NDRG3: variants seen among roughly 807,000 people sequenced by gnomAD.
NDRG3 encodes protein NDRG3.
A neutral mutation model predicts 57.2 loss-of-function variants in NDRG3; 23 were observed. That is an observed-to-expected ratio of 0.40 (90% confidence interval 0.29 to 0.57). The LOEUF is 0.57. Among genes scored for constraint, NDRG3 ranks in the 20% least tolerant of loss-of-function variants. The probability of loss-of-function intolerance (pLI) is 0.42; values close to 1 mark genes in which losing one functional copy is unlikely to be tolerated. For synonymous variants in NDRG3, 132 were observed against 162.6 expected (o/e 0.81, Z 1.43); for missense variants, 384 against 457.3 (o/e 0.84, Z 1.46).
rs905784114 is a variant in NDRG3 at position 36,653,317 on chromosome 20, G to A, written c.*203C>T. The stretch of plus-strand genomic sequence containing the variant: ...CAGCTAAAGATGTTGGAATGTTACA[G>A]TATGGCATGGAAGTGGTTCTTGGGC... On this transcript the variant is annotated 3_prime_UTR_variant, in exon 16 of 16. Transcript: ENST00000349004. This position sits in a 1 kb window ranked among gnomAD's most constrained non-coding sequence, Gnocchi z 4.2. 1.9e-6 allele frequency: 1 copy of A among 536,154 alleles called. No homozygotes were observed. The highest frequency in any genetic ancestry group is 3.3e-6 in the Non-Finnish European group (1 of 302,230). 33.2% of individuals were successfully genotyped at this position (536,154 alleles called of 1,614,324 possible). A position where few individuals can be genotyped will look rare whatever the true frequency, so the allele number is the denominator to read the frequency against.
intron 3 of NDRG3, among the ~76,000 whole-genome samples, chr20:36,699,347 G>A (rs1983053863): frequency 2.6e-5 from 4 of 152,072 alleles, no homozygotes; most frequent in Admixed American, 2.6e-4. Flanking sequence ...ACTAAAGGAG[G>A]TTTCAATATC....
At chr20:36,733,021 C>T (rs1336264236) in intron 1 of NDRG3, among the ~76,000 whole-genome samples, 1 of 150,552 alleles carries the variant, frequency 6.6e-6, no homozygotes, top group African/African-American at 2.4e-5. Flanking sequence ...ATGACGTGTG[C>T]CTGTAGTCCC....
chr20:36,715,829 A>G (rs1984241188), intron 2 of NDRG3, among the ~76,000 whole-genome samples: 1 of 150,480 alleles, frequency 6.6e-6, no homozygotes, highest in South Asian at 2.1e-4. Flanking sequence ...CCTGTCTCAA[A>G]TAAAAAAAAG....
chr20:36,691,533 G>A (rs918914579), intron 3 of NDRG3, among the ~76,000 whole-genome samples: 6 of 152,172 alleles, frequency 3.9e-5, no homozygotes. Flanking sequence ...GTCTAGCACA[G>A]TGAAACTCTG....
intron 9 of NDRG3, 36 bp from the exon 10 acceptor site, chr20:36,666,428 G>T: frequency 1.4e-6 from 2 of 1,464,044 alleles, no homozygotes; most frequent in South Asian, 1.1e-5. Context: ...GTAAGCTTCT[G>T]AGCTCCAGAA....
intron 13 of NDRG3, among the ~76,000 whole-genome samples, chr20:36,656,843 TC>T (rs1407815991): frequency 3.3e-5 from 5 of 152,172 alleles, no homozygotes; most frequent in Non-Finnish European, 5.9e-5. Flanking sequence ...AAGGTTCCTT[TC>T]AGAGCCCTCG....
chr20:36,668,832 A>AAT (rs937425473), intron 9 of NDRG3, among the ~76,000 whole-genome samples: 43 of 150,450 alleles, frequency 2.9e-4, no homozygotes, highest in South Asian at 1.5e-3. Flanking sequence ...TAGCGAGAGA[A>AAT]ATATATATAT....
intron 12 of NDRG3, among the ~76,000 whole-genome samples, 187 bp from the exon 13 acceptor site, chr20:36,660,571 T>A (rs1370473409): frequency 6.7e-6 from 1 of 149,798 alleles, no homozygotes; most frequent in Non-Finnish European, 1.5e-5. Context: ...TTTATTTATT[T>A]TTTTTTTGAG....
At chr20:36,714,308 G>A (rs191075475) in intron 2 of NDRG3, among the ~76,000 whole-genome samples, 2 of 151,058 alleles carry the variant, frequency 1.3e-5, no homozygotes, top group African/African-American at 4.9e-5. Context: ...GGGAGGCTGA[G>A]GCAGGAGAAT....
chr20:36,693,106 ATATATATAT>A (rs1361024175), intron 3 of NDRG3, among the ~76,000 whole-genome samples: 5 of 16,260 alleles, frequency 3.1e-4, no homozygotes, highest in African/African-American at 1.9e-3. Flanking sequence ...AAAAAAAAAA[ATATATATAT>A]ATATATATAT....
At chr20:36,683,648 A>G (rs1981514545) in intron 6 of NDRG3, among the ~76,000 whole-genome samples, 1 of 145,306 alleles carries the variant, frequency 6.9e-6, no homozygotes, top group Admixed American at 6.8e-5. Flanking sequence ...AAATATATGT[A>G]TATATATGTA....
intron 2 of NDRG3, among the ~76,000 whole-genome samples, chr20:36,719,513 G>A (rs918416721): frequency 2.6e-5 from 4 of 151,742 alleles, no homozygotes; most frequent in Non-Finnish European, 4.4e-5. Context: ...TGGGAATGGA[G>A]AGGTCACAGG....
exon 1 of NDRG3, chr20:36,746,079 AGCGGCGGCGGCGGCGGCGGCGGCG>A (rs11466997): frequency 4.4e-4 from 110 of 251,428 alleles, 8 homozygotes; most frequent in East Asian, 1.6e-3. Context: ...GTGCAGCAGC[AGCGGCGGCGGCGGCGGCGGCGGCG>A]GCGGCGGCGG....
At chr20:36,711,503 A>C (rs1328593062) in intron 2 of NDRG3, among the ~76,000 whole-genome samples, 1 of 152,102 alleles carries the variant, frequency 6.6e-6, no homozygotes, top group Non-Finnish European at 1.5e-5. Flanking sequence ...AATTCTGACG[A>C]GCTCTTTGGG....
chr20:36,701,231 G>A (rs533836693), intron 3 of NDRG3, among the ~76,000 whole-genome samples: 36 of 152,238 alleles, frequency 2.4e-4, no homozygotes, highest in South Asian at 8.3e-4. Context: ...GAAAGCTGTA[G>A]TCTTAAACAC....
At chr20:36,675,291 C>A (rs944967529) in intron 8 of NDRG3, among the ~76,000 whole-genome samples, 2 of 149,890 alleles carry the variant, frequency 1.3e-5, no homozygotes, top group Admixed American at 6.7e-5. Context: ...AACTCCTGAC[C>A]TCAGGTGATC....
chr20:36,674,083 G>A (rs1452027833), intron 8 of NDRG3, among the ~76,000 whole-genome samples: 4 of 152,108 alleles, frequency 2.6e-5, no homozygotes, highest in Non-Finnish European at 5.9e-5. Context: ...TCCAGCCTGG[G>A]CAACAAGAGT....
chr20:36,666,065 G>C (rs980395848), intron 10 of NDRG3, among the ~76,000 whole-genome samples: 6 of 152,110 alleles, frequency 3.9e-5, no homozygotes, highest in Non-Finnish European at 7.3e-5. Flanking sequence ...AAGAGACAAG[G>C]TTCAAAATCT....
At chr20:36,679,372 T>A (rs1315066218) in intron 8 of NDRG3, among the ~76,000 whole-genome samples, 1 of 152,230 alleles carries the variant, frequency 6.6e-6, no homozygotes, top group Non-Finnish European at 1.5e-5. Flanking sequence ...AATAAATGTG[T>A]ATGTCTACTG....
Sources: allele counts gnomAD v4.1 joint callset (sites outside exome capture counted in the v4.1 genomes callset), GRCh38; gene constraint gnomAD v4.1.1; non-coding constraint Gnocchi (gnomAD v3.1); transcripts MANE v1.5; gene names NCBI Gene and HGNC (gene_info 2026-07-23, HGNC 2026-07-21).